The following PLCG2 variants were observed in gnomAD, a reference collection of about 807,000 sequenced individuals.
PLCG2 encodes the protein 1-phosphatidylinositol 4,5-bisphosphate phosphodiesterase gamma-2.
In PLCG2, 69 loss-of-function variants were observed where a neutral mutation model predicts 175.6. That is an observed-to-expected ratio of 0.39 (90% CI 0.32 to 0.48). The LOEUF is 0.48. Ranked by LOEUF, PLCG2 falls within the 20% of genes least tolerant of loss-of-function variation. The probability of loss-of-function intolerance (pLI) is 0.91; values close to 1 mark genes in which losing one functional copy is unlikely to be tolerated. For missense variants in PLCG2, 1,798 were observed against 1,650.9 expected (o/e 1.09, Z -1.54); for synonymous variants, 827 against 624.0 (o/e 1.33, Z -4.85).
At chr16:81,760,420 CT>C (rs1300832617) in intron 2 of PLCG2, among the ~76,000 whole-genome samples, 1 of 152,154 alleles carries the variant, frequency 6.6e-6, no homozygotes, top group Admixed American at 6.5e-5. Context: ...TTGTTGGTGG[CT>C]TTTGGACACA....
chr16:81,858,716 C>T (rs1469286919), intron 4 of PLCG2, among the ~76,000 whole-genome samples: 3 of 152,200 alleles, frequency 2.0e-5, no homozygotes, highest in Non-Finnish European at 4.4e-5. Flanking sequence ...GAATTTTCCA[C>T]CTATCACTCC....
At chr16:81,905,763 A>C (rs1205194114) in intron 15 of PLCG2, among the ~76,000 whole-genome samples, 1 of 152,012 alleles carries the variant, frequency 6.6e-6, no homozygotes, top group Non-Finnish European at 1.5e-5. Context: ...GGCTCAAGTG[A>C]TCCTCCCACC....
At chr16:81,912,086 C>G (rs922223121) in intron 18 of PLCG2, among the ~76,000 whole-genome samples, 5 of 148,908 alleles carry the variant, frequency 3.4e-5, no homozygotes, top group Admixed American at 3.3e-4. Context: ...CGTGAGCCAC[C>G]ACGCCTGGCC....
chr16:81,795,301 T>G (rs1911417624), intron 2 of PLCG2, among the ~76,000 whole-genome samples: 2 of 152,176 alleles, frequency 1.3e-5, no homozygotes, highest in African/African-American at 4.8e-5. Context: ...GGGGAAGGCC[T>G]CAGGGTGGCC....
chr16:81,841,598 C>A (rs977099865), intron 2 of PLCG2, among the ~76,000 whole-genome samples: 1 of 152,006 alleles, frequency 6.6e-6, no homozygotes, highest in Non-Finnish European at 1.5e-5. Context: ...GGTGTATGTT[C>A]TTTTTCCATT....
chr16:81,864,345 A>C (rs1291204608), intron 5 of PLCG2, among the ~76,000 whole-genome samples: 1 of 152,166 alleles, frequency 6.6e-6, no homozygotes, highest in Non-Finnish European at 1.5e-5. Flanking sequence ...AACAAAACAA[A>C]ATGAAATAAA....
intron 1 of PLCG2, among the ~76,000 whole-genome samples, chr16:81,780,443 C>T (rs1321032241): frequency 6.6e-6 from 1 of 152,168 alleles, no homozygotes; most frequent in Non-Finnish European, 1.5e-5. Flanking sequence ...GGGCCCTCGT[C>T]CTTGACTACA....
intron 1 of PLCG2, among the ~76,000 whole-genome samples, chr16:81,780,916 A>C (rs1033075936): frequency 2.6e-5 from 4 of 151,962 alleles, no homozygotes; most frequent in Admixed American, 2.0e-4. Flanking sequence ...AATCCCAGCT[A>C]CCCAGGAGGC....
intron 31 of PLCG2, among the ~76,000 whole-genome samples, chr16:81,950,232 T>C (rs1214482565): frequency 2.0e-5 from 3 of 152,058 alleles, no homozygotes; most frequent in Non-Finnish European, 4.4e-5. Flanking sequence ...GCAAGGTAAA[T>C]AAAACAAATA....
chr16:81,885,552 T>C (rs1908318492), intron 9 of PLCG2, among the ~76,000 whole-genome samples: 1 of 152,238 alleles, frequency 6.6e-6, no homozygotes, highest in African/African-American at 2.4e-5. Context: ...TGCTGAAGAA[T>C]TCTAAAGCAA....
chr16:81,822,774 A>AAAAG (rs1904860460), intron 2 of PLCG2, among the ~76,000 whole-genome samples: 1 of 150,976 alleles, frequency 6.6e-6, no homozygotes, highest in South Asian at 2.1e-4. Flanking sequence ...AAAAAAAAAA[A>AAAAG]AAAAAAAGAA....
intron 2 of PLCG2, among the ~76,000 whole-genome samples, chr16:81,794,505 G>T (rs1911378320): frequency 6.6e-6 from 1 of 152,132 alleles, no homozygotes; most frequent in South Asian, 2.1e-4. Flanking sequence ...TCAGTTACTG[G>T]TATGCGGTGA....
chr16:81,901,813 G>A (rs1478426447), intron 14 of PLCG2, among the ~76,000 whole-genome samples: 2 of 152,198 alleles, frequency 1.3e-5, no homozygotes, highest in African/African-American at 4.8e-5. Flanking sequence ...TATTTAAGAT[G>A]TTAATGAAGA....
intron 15 of PLCG2, 120 bp from the exon 16 acceptor site, chr16:81,907,565 A>G (rs1217221784): frequency 3.4e-6 from 2 of 587,748 alleles, no homozygotes; most frequent in Non-Finnish European, 6.1e-6. Context: ...ATAAATGTCT[A>G]TGAAACTGGG....
At chr16:81,790,088 T>A (rs1429402166) in intron 2 of PLCG2, among the ~76,000 whole-genome samples, 1 of 152,294 alleles carries the variant, frequency 6.6e-6, no homozygotes, top group East Asian at 1.9e-4. Context: ...GGAAATAACA[T>A]TGGTGTCTAC....
At chr16:81,767,849 C>T (rs1186370461) in intron 2 of PLCG2, 1 of 152,242 alleles carries the variant, frequency 6.6e-6, no homozygotes, top group Non-Finnish European at 1.5e-5. Flanking sequence ...TATATAAAAT[C>T]ACGCTGTTTA....
chr16:81,919,443 C>A (rs757518349), intron 19 of PLCG2, 41 bp from the exon 20 acceptor site: 2 of 1,552,474 alleles, frequency 1.3e-6, no homozygotes, highest in Non-Finnish European at 1.8e-6. Flanking sequence ...GTTTGGCCAC[C>A]AGGATCTTGG....
intron 2 of PLCG2, among the ~76,000 whole-genome samples, chr16:81,823,604 T>G (rs185249066): frequency 1.3e-5 from 2 of 152,062 alleles, no homozygotes; most frequent in African/African-American, 4.8e-5. Context: ...TAGCTCACTG[T>G]AGCCTCAAAC....
chr16:81,954,761 C>T (rs976989103), intron 31 of PLCG2, among the ~76,000 whole-genome samples: 2 of 152,078 alleles, frequency 1.3e-5, no homozygotes, highest in African/African-American at 2.4e-5. Flanking sequence ...TGGGTTGGTT[C>T]CATGTCTTTG....
Sources: allele counts gnomAD v4.1 joint callset (sites outside exome capture counted in the v4.1 genomes callset), GRCh38; gene constraint gnomAD v4.1.1; transcripts MANE v1.5; gene names NCBI Gene and HGNC (gene_info 2026-07-23, HGNC 2026-07-21).